The following FERRY3 variants were observed in gnomAD, a reference collection of about 807,000 sequenced individuals.
FERRY3 encodes the protein FERRY endosomal RAB5 effector complex subunit 3.
chr12:4,497,785 T>C, the FERRY3 span, among the ~76,000 whole-genome samples: 2 of 152,232 alleles, frequency 1.3e-5, no homozygotes, highest in East Asian at 3.8e-4. Context: ...AATTAATTTC[T>C]ATAGCTCTTT....
At chr12:4,537,207 G>A in the FERRY3 span, among the ~76,000 whole-genome samples, 2 of 152,218 alleles carry the variant, frequency 1.3e-5, no homozygotes, top group Admixed American at 6.5e-5. Context: ...CCTTTGCCTA[G>A]AGCACTCTTA....
the FERRY3 span, among the ~76,000 whole-genome samples, chr12:4,490,327 T>G: frequency 6.6e-6 from 1 of 152,170 alleles, no homozygotes; most frequent in Non-Finnish European, 1.5e-5. Flanking sequence ...ACAAATCCCT[T>G]GAGTGGTAGA....
At chr12:4,497,686 T>C in the FERRY3 span, among the ~76,000 whole-genome samples, 1 of 152,214 alleles carries the variant, frequency 6.6e-6, no homozygotes, top group East Asian at 1.9e-4. Flanking sequence ...TAAGACAGTA[T>C]CTTCAGATCA....
the FERRY3 span, among the ~76,000 whole-genome samples, chr12:4,496,204 G>C: frequency 6.6e-6 from 1 of 152,122 alleles, no homozygotes; most frequent in Non-Finnish European, 1.5e-5. Flanking sequence ...ATTAAAACCA[G>C]CACCTAAAAA....
the FERRY3 span, among the ~76,000 whole-genome samples, chr12:4,510,352 C>T: frequency 7.5e-6 from 1 of 133,978 alleles, no homozygotes; most frequent in African/African-American, 3.0e-5. Context: ...CTTCCCCAAT[C>T]TAGCAAGGCA....
At chr12:4,497,418 C>T in the FERRY3 span, among the ~76,000 whole-genome samples, 1 of 152,116 alleles carries the variant, frequency 6.6e-6, no homozygotes, top group African/African-American at 2.4e-5. Context: ...ATTTCATCAT[C>T]TGCATATATG....
chr12:4,517,684 A>AAAATATATATATATATAT, the FERRY3 span, among the ~76,000 whole-genome samples: 3 of 140,552 alleles, frequency 2.1e-5, no homozygotes, highest in African/African-American at 7.9e-5. Flanking sequence ...AGGTTATTAA[A>AAAATATATATATATATAT]ATATATATAT....
At chr12:4,513,341 C>T in the FERRY3 span, among the ~76,000 whole-genome samples, 1 of 152,130 alleles carries the variant, frequency 6.6e-6, no homozygotes, top group Non-Finnish European at 1.5e-5. Context: ...GATTCAGTGC[C>T]ATCCGCATCA....
chr12:4,537,679 T>C, the FERRY3 span, among the ~76,000 whole-genome samples: 1 of 152,214 alleles, frequency 6.6e-6, no homozygotes, highest in East Asian at 1.9e-4. Flanking sequence ...CACAAAAATC[T>C]TCGTCTATTT....
the FERRY3 span, among the ~76,000 whole-genome samples, chr12:4,538,224 G>A: frequency 6.6e-6 from 1 of 152,204 alleles, no homozygotes; most frequent in Non-Finnish European, 1.5e-5. Context: ...TTTCCCATAA[G>A]AAAATGGGAT....
At chr12:4,500,411 G>A in the FERRY3 span, 2 of 1,380,656 alleles carry the variant, frequency 1.4e-6, no homozygotes, top group Admixed American at 1.8e-5. Flanking sequence ...GGCTTTATAA[G>A]TAAGTGTAAT....
the FERRY3 span, among the ~76,000 whole-genome samples, chr12:4,534,961 T>A: frequency 6.6e-6 from 1 of 152,204 alleles, no homozygotes; most frequent in East Asian, 1.9e-4. Flanking sequence ...ATTTTGAAGG[T>A]CTGAACATTA....
chr12:4,517,119 G>C, the FERRY3 span: 1 of 1,598,746 alleles, frequency 6.3e-7, no homozygotes, highest in Non-Finnish European at 8.5e-7. Flanking sequence ...CCACCTGTTG[G>C]ACAACTTCTA....
At chr12:4,529,356 G>A in the FERRY3 span, among the ~76,000 whole-genome samples, 1 of 152,138 alleles carries the variant, frequency 6.6e-6, no homozygotes, top group African/African-American at 2.4e-5. Flanking sequence ...AAGAGCCATG[G>A]TCATAGTTAG....
chr12:4,534,109 CAA>C, the FERRY3 span: 1 of 1,504,568 alleles, frequency 6.6e-7, no homozygotes, highest in Non-Finnish European at 8.9e-7. Context: ...AAATTTTCAC[CAA>C]AATCCAGAAT....
chr12:4,507,852 C>T, the FERRY3 span, among the ~76,000 whole-genome samples: 1 of 152,122 alleles, frequency 6.6e-6, no homozygotes, highest in Admixed American at 6.5e-5. Flanking sequence ...TAAGTACACA[C>T]ATACACTTGC....
chr12:4,488,544 T>A, the FERRY3 span: 1 of 152,212 alleles, frequency 6.6e-6, no homozygotes, highest in South Asian at 2.1e-4. The surrounding 1 kb of genome is among the most constrained non-coding windows in gnomAD (Gnocchi z 4.9). Flanking sequence ...CTTAGGGTTG[T>A]CTTTAGTGTT....
the FERRY3 span, chr12:4,529,825 A>T: frequency 2.1e-6 from 3 of 1,460,976 alleles, no homozygotes; most frequent in Admixed American, 4.8e-5. Context: ...CATCTATTTG[A>T]CAACGTAACA....
chr12:4,492,341 T>C, the FERRY3 span, among the ~76,000 whole-genome samples: 1 of 152,202 alleles, frequency 6.6e-6, no homozygotes, highest in East Asian at 1.9e-4. Context: ...ATCTGTTATA[T>C]TATCACACAG....
Sources: allele counts gnomAD v4.1 joint callset (sites outside exome capture counted in the v4.1 genomes callset), GRCh38; gene constraint gnomAD v4.1.1; non-coding constraint Gnocchi (gnomAD v3.1); transcripts MANE v1.5; gene names NCBI Gene and HGNC (gene_info 2026-07-23, HGNC 2026-07-21).